MCUB: variants seen among roughly 807,000 people sequenced by gnomAD.
MCUB encodes mitochondrial calcium uniporter dominant negative subunit beta.
A neutral mutation model predicts 41.4 loss-of-function variants in MCUB; 46 were observed. The observed-to-expected ratio is 1.11, with a 90% CI of 0.88 to 1.42. MCUB has a LOEUF of 1.42. Ranked by LOEUF, MCUB falls within the 40% of genes most tolerant of loss-of-function variation. The pLI is 0.00. For missense variants in MCUB, 403 were observed against 404.9 expected (o/e 1.00, Z 0.04); for synonymous variants, 148 against 148.2 (o/e 1.00, Z 0.01).
chr4:109,670,545 G>C (rs1471396137), intron 4 of MCUB, among the ~76,000 whole-genome samples: 3 of 151,926 alleles, frequency 2.0e-5, no homozygotes, highest in Non-Finnish European at 4.4e-5. Flanking sequence ...GTGAAACCCT[G>C]TCTCTACTAA....
intron 4 of MCUB, among the ~76,000 whole-genome samples, chr4:109,667,514 A>AT (rs921609064): frequency 4.9e-4 from 73 of 148,028 alleles, no homozygotes; most frequent in African/African-American, 1.7e-3. Flanking sequence ...AATTTAATTG[A>AT]TTTTTTCCAA....
At chr4:109,667,741 A>C (rs1322134023) in intron 4 of MCUB, among the ~76,000 whole-genome samples, 1 of 151,066 alleles carries the variant, frequency 6.6e-6, no homozygotes, top group East Asian at 1.9e-4. Flanking sequence ...TTAAAGTATA[A>C]GTTCAGATCT....
chr4:109,684,705 T>TATAG, intron 6 of MCUB, 59 bp downstream of exon 6: 1 of 811,664 alleles, frequency 1.2e-6, no homozygotes, highest in Admixed American at 2.4e-5. Flanking sequence ...ATGTCTTATC[T>TATAG]AAGCAATGAG....
At chr4:109,562,422 A>T (rs1288135771) in intron 1 of MCUB, among the ~76,000 whole-genome samples, 1 of 152,246 alleles carries the variant, frequency 6.6e-6, no homozygotes, top group Non-Finnish European at 1.5e-5. Flanking sequence ...ACATTTTACC[A>T]TGAGTAAACC....
chr4:109,575,248 A>G (rs1170711875), intron 1 of MCUB, among the ~76,000 whole-genome samples: 3 of 152,212 alleles, frequency 2.0e-5, no homozygotes, highest in Non-Finnish European at 4.4e-5. Flanking sequence ...GCTCCTTACC[A>G]TCTGCCTTCC....
At chr4:109,651,831 C>A (rs1200643140) in intron 1 of MCUB, among the ~76,000 whole-genome samples, 1 of 152,180 alleles carries the variant, frequency 6.6e-6, no homozygotes, top group Non-Finnish European at 1.5e-5. Flanking sequence ...ACCACTCCTT[C>A]CCCTGCAGAG....
intron 1 of MCUB, among the ~76,000 whole-genome samples, chr4:109,599,347 C>T (rs145583681): frequency 8.2e-4 from 123 of 149,718 alleles, no homozygotes; most frequent in Middle Eastern, 6.8e-3. Flanking sequence ...CGATTGAAAA[C>T]ATCTTGGGAG....
chr4:109,643,638 G>A (rs575542810), intron 1 of MCUB, among the ~76,000 whole-genome samples: 2 of 152,278 alleles, frequency 1.3e-5, no homozygotes, highest in South Asian at 4.1e-4. Context: ...CTGAGTAGGT[G>A]GGATTACAGG....
intron 1 of MCUB, among the ~76,000 whole-genome samples, chr4:109,657,563 A>C (rs1159306004): frequency 6.7e-6 from 1 of 148,450 alleles, no homozygotes; most frequent in Non-Finnish European, 1.5e-5. Context: ...CTGTAAGGTG[A>C]TGCATTAAAA....
chr4:109,565,644 C>T (rs1012528005), intron 1 of MCUB, among the ~76,000 whole-genome samples: 6 of 152,072 alleles, frequency 3.9e-5, no homozygotes, highest in African/African-American at 9.7e-5. Context: ...AATGCTGTTT[C>T]GTTCATTATC....
chr4:109,620,752 A>G (rs1728234163), intron 1 of MCUB, among the ~76,000 whole-genome samples: 1 of 152,248 alleles, frequency 6.6e-6, no homozygotes, highest in South Asian at 2.1e-4. Flanking sequence ...ATGATGCTTT[A>G]TAATTCACAA....
chr4:109,642,374 C>T (rs982381709), intron 1 of MCUB, among the ~76,000 whole-genome samples: 8 of 152,260 alleles, frequency 5.3e-5, no homozygotes, highest in African/African-American at 1.7e-4. Context: ...ATATTATTTT[C>T]GAAAGCCTCA....
At position 109,670,685 on chromosome 4, in the gene MCUB, C is replaced by T. The variant is rs146331867; in HGVS notation, c.451+6291C>T. On this transcript the variant is annotated intron_variant, in intron 4 of 7. Coordinates refer to ENST00000394650, the MANE Select transcript of MCUB (RefSeq NM_017918.5). Reference sequence around the variant, plus strand: ...GAGCCAAGATCATGTCATTGCACTCCAGCCTGGGCAACAGAGCGAGGAGAC... The same window carrying T: ...GAGCCAAGATCATGTCATTGCACTCTAGCCTGGGCAACAGAGCGAGGAGAC... Among the ~76,000 whole-genome samples the T allele has an allele frequency of 5.6e-3, 843 of 151,358 alleles. 6 individuals carry two copies. The highest frequency in any genetic ancestry group is 0.019 in the African/African-American group (795 of 41,144).
intron 1 of MCUB, among the ~76,000 whole-genome samples, chr4:109,620,227 G>T (rs536873352): frequency 2.0e-5 from 3 of 152,028 alleles, no homozygotes; most frequent in African/African-American, 7.2e-5. Context: ...TTTAAATTCT[G>T]ATATCCCAAA....
rs143948524 is a variant in MCUB at position 109,649,055 on chromosome 4, C to T, written c.100-9956C>T. On this transcript the variant is annotated intron_variant, in intron 1 of 7. Coordinates refer to ENST00000394650, the MANE Select transcript of MCUB (RefSeq NM_017918.5). ...TTCTCATGCATTCTTATTCCTTGTTCGTGTTACATTTTGTTCACTACAGCT... is the reference window on the plus strand; with the variant it reads ...TTCTCATGCATTCTTATTCCTTGTTTGTGTTACATTTTGTTCACTACAGCT... Among the ~76,000 whole-genome samples the T allele has an allele frequency of 3.8e-3, 584 of 152,264 alleles. 17 individuals carry two copies. The South Asian group carries it at 0.061, about 16-fold the overall frequency.
At chr4:109,643,241 A>G (rs1479152986) in intron 1 of MCUB, among the ~76,000 whole-genome samples, 1 of 150,816 alleles carries the variant, frequency 6.6e-6, no homozygotes, top group Non-Finnish European at 1.5e-5. Flanking sequence ...GCTGGAGTAC[A>G]ATGGCGCAAT....
At chr4:109,604,961 G>C (rs1727837238) in intron 1 of MCUB, among the ~76,000 whole-genome samples, 1 of 152,080 alleles carries the variant, frequency 6.6e-6, no homozygotes, top group African/African-American at 2.4e-5. Flanking sequence ...TATTCATGAG[G>C]GATATTGACC....
chr4:109,660,188 T>G lies in MCUB; in HGVS notation c.176-7T>G. On this transcript the variant is annotated splice_region_variant and splice_polypyrimidine_tract_variant and intron_variant, in intron 2 of 7. Transcript: ENST00000394650. ...TACTCATTTTTTTTTCTTTTTTTCC[T>G]TAACAGAAATAACAGTTATTTATAG... 7.2e-7 allele frequency: 1 copy of G among 1,396,228 alleles called. No homozygotes were observed. The allele number at this position is 1,396,228 out of a possible 1,614,324, so 86.5% of individuals were successfully genotyped here.
chr4:109,633,241 G>A (rs112893134), intron 1 of MCUB, among the ~76,000 whole-genome samples: 4,057 of 152,126 alleles, frequency 0.027, 197 homozygotes, highest in African/African-American at 0.093. Flanking sequence ...CGTGTATTTG[G>A]ATAGAACATA....
Sources: allele counts gnomAD v4.1 joint callset (sites outside exome capture counted in the v4.1 genomes callset), GRCh38; gene constraint gnomAD v4.1.1; transcripts MANE v1.5; gene names NCBI Gene and HGNC (gene_info 2026-07-23, HGNC 2026-07-21).